The following CDH12 variants were observed in gnomAD, a reference collection of about 807,000 sequenced individuals.
The protein encoded by CDH12 is cadherin-12.
In CDH12, 41 loss-of-function variants were observed where a neutral mutation model predicts 74.1. That is an observed-to-expected ratio of 0.55 (90% CI 0.43 to 0.72). CDH12 has a LOEUF of 0.72. Among genes scored for constraint, CDH12 ranks in the 30% least tolerant of loss-of-function variants. The pLI is 0.00. For missense variants in CDH12, 945 were observed against 977.2 expected (o/e 0.97, Z 0.44); for synonymous variants, 399 against 355.0 (o/e 1.12, Z -1.39).
intron 4 of CDH12, among the ~76,000 whole-genome samples, chr5:22,194,676 G>A (rs1320753490): frequency 6.6e-6 from 1 of 152,078 alleles, no homozygotes; most frequent in Non-Finnish European, 1.5e-5. Flanking sequence ...CTTGCCACTT[G>A]GTCTGTCAGT....
intron 2 of CDH12, among the ~76,000 whole-genome samples, chr5:22,439,034 C>A (rs549238252): frequency 6.6e-6 from 1 of 151,720 alleles, no homozygotes; most frequent in Non-Finnish European, 1.5e-5. Flanking sequence ...AATTGGACAT[C>A]GCTTGTGTCT....
chr5:22,751,357 T>TAA (rs1491051117), intron 1 of CDH12, among the ~76,000 whole-genome samples: 6 of 139,318 alleles, frequency 4.3e-5, no homozygotes, highest in Non-Finnish European at 9.4e-5. Context: ...TATATATATA[T>TAA]AATATCTACA....
At chr5:22,162,471 T>C (rs575386053) in intron 4 of CDH12, among the ~76,000 whole-genome samples, 11 of 152,152 alleles carry the variant, frequency 7.2e-5, no homozygotes, top group Non-Finnish European at 1.6e-4. Flanking sequence ...AATCAGGAGC[T>C]GCCTCAGGTT....
chr5:22,105,491 G>A (rs1477622851), intron 4 of CDH12, among the ~76,000 whole-genome samples: 2 of 150,770 alleles, frequency 1.3e-5, no homozygotes, highest in African/African-American at 2.4e-5. Context: ...TGAGGTCAGG[G>A]GTTCGAGACC....
chr5:22,483,336 A>G (rs1182397533), intron 2 of CDH12, among the ~76,000 whole-genome samples: 1 of 152,000 alleles, frequency 6.6e-6, no homozygotes, highest in Non-Finnish European at 1.5e-5. Flanking sequence ...ATATATGAAC[A>G]CATTCTTTTT....
chr5:22,529,547 C>T (rs1287650810), intron 1 of CDH12, among the ~76,000 whole-genome samples: 1 of 152,136 alleles, frequency 6.6e-6, no homozygotes, highest in Non-Finnish European at 1.5e-5. Flanking sequence ...AGGCCATCAG[C>T]TGATTGGATG....
At chr5:22,258,232 C>A (rs1753387547) in intron 3 of CDH12, among the ~76,000 whole-genome samples, 1 of 152,044 alleles carries the variant, frequency 6.6e-6, no homozygotes, top group African/African-American at 2.4e-5. Flanking sequence ...ATCCTTAGTA[C>A]TGGTTCTTAA....
intron 3 of CDH12, among the ~76,000 whole-genome samples, chr5:22,246,268 A>G (rs560220541): frequency 1.3e-5 from 2 of 152,264 alleles, no homozygotes; most frequent in Admixed American, 1.3e-4. Flanking sequence ...ATTTATCAGG[A>G]AGACATAGTA....
chr5:22,411,527 A>T (rs1743169802), intron 2 of CDH12, among the ~76,000 whole-genome samples: 1 of 152,060 alleles, frequency 6.6e-6, no homozygotes, highest in Non-Finnish European at 1.5e-5. Context: ...TTCAGTCAGC[A>T]TAATTCGAGC....
At chr5:22,782,434 C>T (rs1747429449) in intron 1 of CDH12, among the ~76,000 whole-genome samples, 1 of 152,074 alleles carries the variant, frequency 6.6e-6, no homozygotes, top group African/African-American at 2.4e-5. Flanking sequence ...CCCCAGCGTT[C>T]TCTCTCTCCT....
At chr5:22,341,639 A>G (rs1302172061) in intron 3 of CDH12, among the ~76,000 whole-genome samples, 2 of 152,110 alleles carry the variant, frequency 1.3e-5, no homozygotes, top group East Asian at 3.9e-4. Context: ...GCACAGACAT[A>G]GTGAGGATCC....
rs539823731 is a variant in CDH12 at position 22,123,604 on chromosome 5, G to A, written c.-186-44742C>T. The stretch of plus-strand genomic sequence containing the variant: ...TCTGAGATATCTCAGGTTTTAGATG[G>A]TTATAAGGCATACAGATGATTGATT... On this transcript the variant is annotated intron_variant, in intron 4 of 14. Coordinates refer to ENST00000382254, the MANE Select transcript of CDH12 (RefSeq NM_004061.5). 7.2e-5 allele frequency among the ~76,000 whole-genome samples: 11 copies of A among 152,252 alleles called. No homozygotes were observed. In the South Asian group the frequency reaches 1.7e-3, roughly 23 times the overall value.
chr5:22,137,325 T>G (rs576708239), intron 4 of CDH12, among the ~76,000 whole-genome samples: 2 of 152,182 alleles, frequency 1.3e-5, no homozygotes, highest in African/African-American at 4.8e-5. Context: ...CTTTGTCTTA[T>G]AGTTATAATA....
At chr5:22,327,318 T>C (rs1172491562) in intron 3 of CDH12, among the ~76,000 whole-genome samples, 2 of 152,114 alleles carry the variant, frequency 1.3e-5, no homozygotes, top group Admixed American at 6.6e-5. Context: ...AACAAAAATG[T>C]CATCAATTAA....
chr5:22,116,400 T>C (rs1745104399), intron 4 of CDH12, among the ~76,000 whole-genome samples: 1 of 152,076 alleles, frequency 6.6e-6, no homozygotes. Flanking sequence ...GGTCAGGAGA[T>C]AGAGACCATC....
At chr5:22,202,652 C>G (rs1750991140) in intron 4 of CDH12, among the ~76,000 whole-genome samples, 1 of 152,244 alleles carries the variant, frequency 6.6e-6, no homozygotes, top group Admixed American at 6.5e-5. Context: ...GATGTGAACA[C>G]TTGTCCACGT....
intron 6 of CDH12, among the ~76,000 whole-genome samples, chr5:21,878,840 A>C (rs1182656986): frequency 1.3e-5 from 2 of 150,826 alleles, no homozygotes; most frequent in Non-Finnish European, 3.0e-5. Flanking sequence ...AAGAAAAGAA[A>C]GAGAGGGAGA....
intron 3 of CDH12, among the ~76,000 whole-genome samples, chr5:22,404,465 T>C (rs1742856617): frequency 6.6e-6 from 1 of 152,184 alleles, no homozygotes; most frequent in Non-Finnish European, 1.5e-5. Context: ...CTGCCCTTTT[T>C]TTTGTTGTTT....
At chr5:21,891,810 T>C (rs1359511550) in intron 6 of CDH12, among the ~76,000 whole-genome samples, 1 of 152,008 alleles carries the variant, frequency 6.6e-6, no homozygotes, top group East Asian at 1.9e-4. Flanking sequence ...TTATTAATTA[T>C]TTTGAAACAA....
Sources: gnomAD v4.1 joint callset for allele counts (sites outside exome capture counted in the v4.1 genomes callset) on GRCh38, gnomAD v4.1.1 for gene constraint, MANE v1.5 for transcripts, NCBI Gene and HGNC (gene_info 2026-07-23, HGNC 2026-07-21) for gene names.